The following SEMA4D variants were observed in gnomAD, a reference collection of about 807,000 sequenced individuals.
The protein encoded by SEMA4D is semaphorin-4D.
In SEMA4D, 22 loss-of-function variants were observed where a neutral mutation model predicts 74.8. The observed-to-expected ratio is 0.29, with a 90% CI of 0.21 to 0.42. SEMA4D has a LOEUF of 0.42. SEMA4D is among the 10% of genes least tolerant of loss of function. SEMA4D has a pLI of 1.00. For synonymous variants in SEMA4D, 445 were observed against 463.7 expected (o/e 0.96, Z 0.52); for missense variants, 937 against 1,118.4 (o/e 0.84, Z 2.31).
intron 1 of SEMA4D, among the ~76,000 whole-genome samples, chr9:89,464,662 G>A (rs535784788): frequency 6.6e-6 from 1 of 152,200 alleles, no homozygotes; most frequent in Admixed American, 6.5e-5. Flanking sequence ...GCACCCCCAG[G>A]GGAAACTGAC....
downstream of SEMA4D, among the ~76,000 whole-genome samples, chr9:89,375,178 C>T (rs113550293): frequency 1.3e-3 from 194 of 152,348 alleles, 1 homozygote; most frequent in African/African-American, 4.3e-3. Flanking sequence ...GCCTCCCCAC[C>T]GAGGAGGAGC....
intron 2 of SEMA4D, among the ~76,000 whole-genome samples, chr9:89,419,491 C>G (rs1171451807): frequency 2.0e-5 from 3 of 152,170 alleles, no homozygotes; most frequent in Middle Eastern, 6.3e-3. Flanking sequence ...GCCTTCCTGT[C>G]ACACGGGAGG....
chr9:89,386,990 C>T (rs1440062780), intron 12 of SEMA4D, among the ~76,000 whole-genome samples: 2 of 152,256 alleles, frequency 1.3e-5, no homozygotes, highest in African/African-American at 4.8e-5. Context: ...TAAAACCTGG[C>T]TCCTCGGCCA....
intron 1 of SEMA4D, among the ~76,000 whole-genome samples, chr9:89,483,842 T>C (rs1289352861): frequency 6.6e-6 from 1 of 152,202 alleles, no homozygotes; most frequent in Admixed American, 6.5e-5. Context: ...GGCTGCCTGA[T>C]GGTCAAGAAG....
chr9:89,364,588 G>A (rs1833289893), intron 16 of SEMA4D: 1 of 159,626 alleles, frequency 6.3e-6, no homozygotes, highest in African/African-American at 2.4e-5. Context: ...CCAGCCTTGA[G>A]CATGGACTCT....
chr9:89,476,640 T>A (rs913657142), intron 1 of SEMA4D, among the ~76,000 whole-genome samples: 1 of 152,132 alleles, frequency 6.6e-6, no homozygotes, highest in South Asian at 2.1e-4. Flanking sequence ...ACTCGTGGCA[T>A]CTCCACAATC....
chr9:89,407,934 A>G (rs554733936), intron 2 of SEMA4D, among the ~76,000 whole-genome samples: 1 of 152,332 alleles, frequency 6.6e-6, no homozygotes, highest in African/African-American at 2.4e-5. Flanking sequence ...TGTATAACTG[A>G]TTGGTAATTA....
rs1426183008 is a variant in SEMA4D at position 89,455,802 on chromosome 9, A to C, written c.-244+86T>G. 3.9e-5 allele frequency: 6 copies of C among 152,262 alleles called. No individual in the cohort carries two copies. In the East Asian group the frequency reaches 1.2e-3, roughly 29 times the overall value. 9.4% of individuals were successfully genotyped at this position (152,262 alleles called of 1,614,324 possible). On this transcript the variant is annotated intron_variant, in intron 2 of 15. Coordinates refer to ENST00000422704, the MANE Select transcript of SEMA4D (RefSeq NM_001371194.2). ...AATGGGCATCGCTGCTGACTGAGGA[A>C]TGGAACACCGGGACAAGACCTTCTG...
At chr9:89,380,504 C>A (rs944245810) in intron 15 of SEMA4D, among the ~76,000 whole-genome samples, 5 of 152,236 alleles carry the variant, frequency 3.3e-5, no homozygotes, top group African/African-American at 1.2e-4. Flanking sequence ...GCTGCCTAAA[C>A]CTTTCTTAGT....
intron 1 of SEMA4D, among the ~76,000 whole-genome samples, chr9:89,459,575 T>C (rs12341068): frequency 0.031 from 4,647 of 152,242 alleles, 240 homozygotes; most frequent in African/African-American, 0.11. Context: ...CTTATCCTCC[T>C]GGAGAGATGA....
intron 2 of SEMA4D, among the ~76,000 whole-genome samples, chr9:89,424,684 C>T (rs1263452026): frequency 6.6e-6 from 1 of 151,990 alleles, no homozygotes; most frequent in Non-Finnish European, 1.5e-5. Context: ...TCCTGCCCTC[C>T]CCCACCTCTG....
chr9:89,461,700 C>CTCTCTCTCTTTTTTTTTTTT (rs71281350), intron 1 of SEMA4D, among the ~76,000 whole-genome samples: 3 of 103,662 alleles, frequency 2.9e-5, no homozygotes, highest in South Asian at 3.8e-4. Flanking sequence ...TCTTTTTTCT[C>CTCTCTCTCTTTTTTTTTTTT]TTTTTTTTTT....
Position 89,377,460 on chromosome 9 carries a change from C to A in SEMA4D, c.*1244G>T. The A allele has an allele frequency of 6.3e-6, 1 of 157,618 alleles. No homozygotes were observed. Among genetic ancestry groups the A allele is most frequent in the South Asian group, 1.8e-4 (1 of 5,426 alleles). 9.8% of individuals were successfully genotyped at this position (157,618 alleles called of 1,614,324 possible). Reference sequence around the variant, plus strand: ...CTCTTCCCGATGGGTATTTACAAAGCGGGGAGATGGAGTGTGAAATTAACC... The same window carrying A: ...CTCTTCCCGATGGGTATTTACAAAGAGGGGAGATGGAGTGTGAAATTAACC... On this transcript the variant is annotated 3_prime_UTR_variant, in exon 16 of 16. Coordinates refer to ENST00000422704, the MANE Select transcript of SEMA4D (RefSeq NM_001371194.2).
intron 2 of SEMA4D, among the ~76,000 whole-genome samples, chr9:89,447,000 T>A (rs1445246692): frequency 6.6e-6 from 1 of 152,038 alleles, no homozygotes; most frequent in Admixed American, 6.5e-5. Context: ...CTGCCATGTG[T>A]CCTATCCTTG....
intron 2 of SEMA4D, among the ~76,000 whole-genome samples, chr9:89,443,614 G>T (rs1852172396): frequency 6.6e-6 from 1 of 152,228 alleles, no homozygotes; most frequent in Non-Finnish European, 1.5e-5. Flanking sequence ...TGGCCCTGCA[G>T]CGCTCAGCTG....
At chr9:89,496,923 G>T (rs10908892) in intron 1 of SEMA4D, among the ~76,000 whole-genome samples, 16,273 of 152,262 alleles carry the variant, frequency 0.11, 961 homozygotes, top group Middle Eastern at 0.16. Flanking sequence ...CAGGCCCCAC[G>T]TCCAGCTTGG....
At chr9:89,443,704 T>C (rs2135199029) in intron 2 of SEMA4D, among the ~76,000 whole-genome samples, 1 of 152,312 alleles carries the variant, frequency 6.6e-6, no homozygotes, top group African/African-American at 2.4e-5. Flanking sequence ...CTGTATGGGC[T>C]GGCACCTGAA....
At chr9:89,489,312 GC>G (rs1825445792) in intron 1 of SEMA4D, among the ~76,000 whole-genome samples, 1 of 152,186 alleles carries the variant, frequency 6.6e-6, no homozygotes, top group Admixed American at 6.5e-5. Flanking sequence ...GCTAAGATTT[GC>G]CCACGAATGC....
At chr9:89,459,859 T>C (rs76299679) in intron 1 of SEMA4D, among the ~76,000 whole-genome samples, 2,892 of 152,304 alleles carry the variant, frequency 0.019, 35 homozygotes, top group Middle Eastern at 0.078. Flanking sequence ...AGGCCAGCAT[T>C]CAGTTACTAA....
Sources: allele counts gnomAD v4.1 joint callset (sites outside exome capture counted in the v4.1 genomes callset), GRCh38; gene constraint gnomAD v4.1.1; transcripts MANE v1.5; gene names NCBI Gene and HGNC (gene_info 2026-07-23, HGNC 2026-07-21).